The following MBD5 variants were observed in gnomAD, a reference collection of about 807,000 sequenced individuals.
MBD5 encodes methyl-CpG binding domain protein 5.
Under a neutral mutation model 117.3 loss-of-function variants are expected in MBD5, and 13 were observed. The observed-to-expected ratio is 0.11, with a 90% CI of 0.07 to 0.18. The LOEUF is 0.18. Ranked by LOEUF, MBD5 falls within the 10% of genes least tolerant of loss-of-function variation. The probability of loss-of-function intolerance (pLI) is 1.00; values close to 1 mark genes in which losing one functional copy is unlikely to be tolerated. For missense variants in MBD5, 1,879 were observed against 2,093.8 expected (o/e 0.90, Z 2.00); for synonymous variants, 727 against 766.4 (o/e 0.95, Z 0.85).
intron 4 of MBD5, among the ~76,000 whole-genome samples, chr2:148,345,416 TAC>T (rs1468110314): frequency 7.1e-6 from 1 of 140,964 alleles, no homozygotes; most frequent in African/African-American, 2.8e-5. Flanking sequence ...CATATACATA[TAC>T]ATATATACAC....
At chr2:148,422,053 G>A (rs1459279436) in intron 4 of MBD5, among the ~76,000 whole-genome samples, 1 of 152,190 alleles carries the variant, frequency 6.6e-6, no homozygotes, top group African/African-American at 2.4e-5. Flanking sequence ...AGACAGCAGT[G>A]TATCTCCCAG....
At chr2:148,235,266 C>A (rs914386288) in intron 3 of MBD5, among the ~76,000 whole-genome samples, 4 of 152,110 alleles carry the variant, frequency 2.6e-5, no homozygotes, top group Non-Finnish European at 5.9e-5. Flanking sequence ...AGATGCAAAA[C>A]TTGTGAATAC....
chr2:148,275,034 T>C (rs1701074355), intron 3 of MBD5, among the ~76,000 whole-genome samples: 1 of 152,162 alleles, frequency 6.6e-6, no homozygotes, highest in African/African-American at 2.4e-5. Flanking sequence ...CCTGGCGTCT[T>C]TTCTTACATA....
At chr2:148,417,288 CTTTTT>C (rs745409695) in intron 4 of MBD5, among the ~76,000 whole-genome samples, 1 of 91,802 alleles carries the variant, frequency 1.1e-5, no homozygotes, top group African/African-American at 4.5e-5. Flanking sequence ...ATGCACAGCT[CTTTTT>C]TTTTTTTTTT....
At chr2:148,345,374 CACATATACACATAT>C (rs1373091118) in intron 4 of MBD5, among the ~76,000 whole-genome samples, 5 of 138,992 alleles carry the variant, frequency 3.6e-5, no homozygotes, top group African/African-American at 1.3e-4. Context: ...TATACATATA[CACATATACACATAT>C]ACATATACAT....
chr2:148,242,296 A>T (rs1197672861), intron 3 of MBD5, among the ~76,000 whole-genome samples: 3 of 152,076 alleles, frequency 2.0e-5, no homozygotes, highest in Non-Finnish European at 2.9e-5. Flanking sequence ...TTACTACTAG[A>T]TACCAGAAGT....
intron 1 of MBD5, among the ~76,000 whole-genome samples, chr2:148,092,386 G>A (rs1695966129): frequency 6.6e-6 from 1 of 152,094 alleles, no homozygotes; most frequent in African/African-American, 2.4e-5. Flanking sequence ...AGCACAATTT[G>A]CAATTGCAAA....
intron 4 of MBD5, chr2:148,346,394 G>A (rs1170942107): frequency 1.3e-5 from 2 of 151,908 alleles, no homozygotes; most frequent in Non-Finnish European, 2.9e-5. Context: ...GGAATCGGTA[G>A]ATCAAATAGT....
chr2:148,125,740 G>C (rs761603334), intron 1 of MBD5, among the ~76,000 whole-genome samples: 1 of 152,124 alleles, frequency 6.6e-6, no homozygotes, highest in Non-Finnish European at 1.5e-5. Context: ...TTAATTTTCT[G>C]TCTCTCTTAC....
chr2:148,299,327 C>A (rs919821956), intron 3 of MBD5, among the ~76,000 whole-genome samples: 1 of 152,076 alleles, frequency 6.6e-6, no homozygotes, highest in African/African-American at 2.4e-5. Flanking sequence ...AGGTTTCCTC[C>A]CTGTTGGTCA....
chr2:148,152,750 T>G (rs1443776670), intron 1 of MBD5, among the ~76,000 whole-genome samples: 3 of 150,796 alleles, frequency 2.0e-5, no homozygotes, highest in Non-Finnish European at 3.0e-5. Flanking sequence ...TATCAGAGAC[T>G]AGGATTGCAA....
At chr2:148,119,422 A>G (rs1407385154) in intron 1 of MBD5, among the ~76,000 whole-genome samples, 1 of 152,136 alleles carries the variant, frequency 6.6e-6, no homozygotes, top group African/African-American at 2.4e-5. Context: ...TTTTAATCCT[A>G]TGTGATTTAC....
At chr2:148,218,822 G>A (rs1311559430) in intron 2 of MBD5, among the ~76,000 whole-genome samples, 2 of 152,184 alleles carry the variant, frequency 1.3e-5, no homozygotes, top group Non-Finnish European at 2.9e-5. Flanking sequence ...GATTTACCAC[G>A]AATGGAGCTT....
intron 3 of MBD5, among the ~76,000 whole-genome samples, chr2:148,241,530 G>A (rs1700215984): frequency 1.3e-5 from 2 of 151,932 alleles, no homozygotes; most frequent in Admixed American, 6.6e-5. Flanking sequence ...GTACAGTTTA[G>A]GTGCCAGCCT....
intron 3 of MBD5, among the ~76,000 whole-genome samples, chr2:148,316,235 C>G (rs1702154809): frequency 6.6e-6 from 1 of 152,100 alleles, no homozygotes; most frequent in African/African-American, 2.4e-5. Flanking sequence ...GACACAAATC[C>G]AAATCACAAC....
intron 4 of MBD5, among the ~76,000 whole-genome samples, chr2:148,390,903 A>C (rs916018242): frequency 1.3e-5 from 2 of 152,184 alleles, no homozygotes; most frequent in African/African-American, 4.8e-5. Flanking sequence ...TAAAATATAC[A>C]TCCTATGCAC....
chr2:148,488,057 A>T (rs1681394682), intron 10 of MBD5, among the ~76,000 whole-genome samples: 1 of 152,162 alleles, frequency 6.6e-6, no homozygotes, highest in Admixed American at 6.5e-5. Context: ...ATAAGACAGG[A>T]TCCTTGAGGA....
chr2:148,490,833 T>G (rs1349457861), intron 11 of MBD5: 1 of 535,112 alleles, frequency 1.9e-6, no homozygotes, highest in African/African-American at 1.9e-5. Context: ...TCAGGGTGGC[T>G]GTAAGCCAGG....
rs986283282 is a variant in MBD5, at chr2:148,330,229, A to C, written c.-679-11985A>C. The stretch of plus-strand genomic sequence containing the variant: ...CTGGATTAGCGGCATTTTTAACTCC[A>C]GTCTTGGTAGCCCTGACAGTTTTGA... On this transcript the variant is annotated intron_variant, in intron 3 of 13. Coordinates refer to ENST00000642680, the MANE Select transcript of MBD5 (RefSeq NM_001378120.1). 7.2e-5 allele frequency among the ~76,000 whole-genome samples: 11 copies of C among 151,998 alleles called. No homozygotes were observed. The East Asian group carries it at 2.1e-3, about 29-fold the overall frequency.
Sources: gnomAD v4.1 joint callset for allele counts (sites outside exome capture counted in the v4.1 genomes callset) on GRCh38, gnomAD v4.1.1 for gene constraint, MANE v1.5 for transcripts, NCBI Gene and HGNC (gene_info 2026-07-23, HGNC 2026-07-21) for gene names.